Variants in DSCAM observed in about 807,000 individuals in gnomAD.
DSCAM encodes cell adhesion molecule DSCAM.
In DSCAM, 47 loss-of-function variants were observed where a neutral mutation model predicts 217.7. That is an observed-to-expected ratio of 0.22 (90% CI 0.17 to 0.28). The LOEUF is 0.28. Ranked by LOEUF, DSCAM falls within the 10% of genes least tolerant of loss-of-function variation. The probability of loss-of-function intolerance (pLI) is 1.00; values close to 1 mark genes in which losing one functional copy is unlikely to be tolerated. For synonymous variants in DSCAM, 1,056 were observed against 1,015.3 expected, an observed-to-expected ratio of 1.04 and a Z score of -0.76; for missense variants, 2,080 against 2,618.3, an observed-to-expected ratio of 0.79 and a Z score of 4.49.
intron 1 of DSCAM, among the ~76,000 whole-genome samples, chr21:40,714,779 G>T (rs1188769958): frequency 6.6e-6 from 1 of 152,148 alleles, no homozygotes; most frequent in Non-Finnish European, 1.5e-5. Flanking sequence ...TTCAATGAAT[G>T]CATTTTGTAT....
At chr21:40,390,392 GAATA>G (rs1048195040) in intron 3 of DSCAM, among the ~76,000 whole-genome samples, 6 of 152,178 alleles carry the variant, frequency 3.9e-5, no homozygotes, top group African/African-American at 1.4e-4. Flanking sequence ...AATAAGACCT[GAATA>G]ATTCATGGAG....
chr21:40,107,107 T>C (rs1231269810), intron 20 of DSCAM, among the ~76,000 whole-genome samples: 1 of 152,216 alleles, frequency 6.6e-6, no homozygotes, highest in Non-Finnish European at 1.5e-5. Context: ...CGTGGGCATT[T>C]AGTACTATAA....
At chr21:40,710,825 T>G (rs991055335) in intron 1 of DSCAM, among the ~76,000 whole-genome samples, 3 of 152,244 alleles carry the variant, frequency 2.0e-5, no homozygotes, top group African/African-American at 7.2e-5. Flanking sequence ...GTTACATATT[T>G]GTAAGAGAGA....
rs573471327 is a variant in DSCAM at position 40,016,519 on chromosome 21, G to A, written c.5687-3133C>T. Among the ~76,000 whole-genome samples the A allele has an allele frequency of 6.6e-6, 1 of 152,340 alleles. No homozygotes were observed. The highest frequency in any genetic ancestry group is 2.1e-4 in the South Asian group (1 of 4,824). On this transcript the variant is annotated intron_variant, in intron 32 of 32. Transcript: ENST00000400454. This position sits in a 1 kb window ranked among gnomAD's most constrained non-coding sequence, Gnocchi z 4.3. ...GGATGACTCACTGCTCGTTTTCTGA[G>A]TCTAAAGTAACTGAACATTCTTGTT...
At chr21:40,455,771 AAAAC>A (rs1431710669) in intron 3 of DSCAM, among the ~76,000 whole-genome samples, 1 of 152,132 alleles carries the variant, frequency 6.6e-6, no homozygotes, top group African/African-American at 2.4e-5. Flanking sequence ...TCTCTCTCAA[AAAAC>A]AAACAAAACA....
chr21:40,264,608 T>C (rs1024171882), intron 11 of DSCAM, among the ~76,000 whole-genome samples: 1 of 152,132 alleles, frequency 6.6e-6, no homozygotes, highest in Non-Finnish European at 1.5e-5. Context: ...TCATACTGAA[T>C]TGAATGGGGA....
chr21:40,752,483 C>T (rs1382978730), intron 1 of DSCAM, among the ~76,000 whole-genome samples: 1 of 152,134 alleles, frequency 6.6e-6, no homozygotes, highest in African/African-American at 2.4e-5. Flanking sequence ...AGAGGACCAA[C>T]AAGATTTGAG....
chr21:40,648,986 G>T (rs750991490), intron 3 of DSCAM, among the ~76,000 whole-genome samples: 1 of 152,198 alleles, frequency 6.6e-6, no homozygotes, highest in African/African-American at 2.4e-5. Flanking sequence ...TGGCAGGCCC[G>T]GGGCTGAGCA....
At chr21:40,815,363 G>A (rs913505780) in intron 1 of DSCAM, among the ~76,000 whole-genome samples, 2 of 151,938 alleles carry the variant, frequency 1.3e-5, no homozygotes, top group African/African-American at 2.4e-5. Flanking sequence ...CACAGATAAT[G>A]CCTTAAAGGC....
chr21:40,739,249 G>A (rs537159658), intron 1 of DSCAM, among the ~76,000 whole-genome samples: 1 of 152,156 alleles, frequency 6.6e-6, no homozygotes, highest in Non-Finnish European at 1.5e-5. Context: ...AGCAATGCTG[G>A]GGGGAGGTGG....
At position 40,349,761 on chromosome 21, in the gene DSCAM, A is replaced by G. The variant is rs117306506; in HGVS notation, c.935-1816T>C. Among the ~76,000 whole-genome samples, 28 of 152,336 alleles carry G rather than the reference A, an allele frequency of 1.8e-4. No homozygotes were observed. The East Asian group carries it at 5.2e-3, about 28-fold the overall frequency. On this transcript the variant is annotated intron_variant, in intron 5 of 32. Coordinates refer to ENST00000400454, the MANE Select transcript of DSCAM (RefSeq NM_001389.5). ...TTTGGTGAAAGACCTACAGTTACAG[A>G]TTTTTAAAGGTCAGAAAGTGCTGAG...
chr21:40,449,202 G>A (rs188189358), intron 3 of DSCAM, among the ~76,000 whole-genome samples: 2 of 152,214 alleles, frequency 1.3e-5, no homozygotes, highest in African/African-American at 4.8e-5. Flanking sequence ...CTGGATAATA[G>A]AGGATAAACT....
intron 1 of DSCAM, among the ~76,000 whole-genome samples, chr21:40,779,602 T>C (rs1214267197): frequency 1.3e-5 from 2 of 152,084 alleles, no homozygotes; most frequent in Non-Finnish European, 2.9e-5. Flanking sequence ...ACAAATGGTA[T>C]AAAAAGCAAA....
At chr21:40,836,989 C>G (rs1569061387) in intron 1 of DSCAM, among the ~76,000 whole-genome samples, 1 of 152,230 alleles carries the variant, frequency 6.6e-6, no homozygotes, top group Non-Finnish European at 1.5e-5. Flanking sequence ...TCCATATCTC[C>G]TTTCTCTGTT....
rs116290085 is a variant in DSCAM, at chr21:40,635,688, G to A, written c.508+57122C>T. Among the ~76,000 whole-genome samples the A allele has an allele frequency of 1.6e-3, 251 of 152,322 alleles. 1 individual carries two copies. The highest frequency in any genetic ancestry group is 5.5e-3 in the African/African-American group (229 of 41,568). On this transcript the variant is annotated intron_variant, in intron 3 of 32. Coordinates refer to ENST00000400454, the MANE Select transcript of DSCAM (RefSeq NM_001389.5). The stretch of plus-strand genomic sequence containing the variant: ...ACCATGTTTTCTTTTATAAGCAAAT[G>A]GGAGAAATTAACACTGAATTAAAAT...
intron 5 of DSCAM, among the ~76,000 whole-genome samples, chr21:40,351,253 G>A (rs2074627858): frequency 6.6e-6 from 1 of 152,146 alleles, no homozygotes; most frequent in South Asian, 2.1e-4. Flanking sequence ...GACTTGGCAG[G>A]ATGTAGAAAG....
intron 1 of DSCAM, among the ~76,000 whole-genome samples, chr21:40,781,148 A>C (rs1031046325): frequency 3.3e-5 from 5 of 151,980 alleles, no homozygotes; most frequent in Non-Finnish European, 5.9e-5. Context: ...AGCTGGGATT[A>C]CAGGAGCGTG....
intron 11 of DSCAM, among the ~76,000 whole-genome samples, chr21:40,270,189 G>C (rs2073596827): frequency 6.6e-6 from 1 of 152,214 alleles, no homozygotes. Context: ...GTCCCCTCCA[G>C]CACACTTACG....
chr21:40,633,186 G>A (rs997841786), intron 3 of DSCAM, among the ~76,000 whole-genome samples: 6 of 152,110 alleles, frequency 3.9e-5, no homozygotes, highest in Admixed American at 2.0e-4. Context: ...TACTTTCATC[G>A]ATTCCAACCA....
Sources: gnomAD v4.1 joint callset for allele counts (sites outside exome capture counted in the v4.1 genomes callset) on GRCh38, gnomAD v4.1.1 for gene constraint, Gnocchi (gnomAD v3.1) non-coding constraint, MANE v1.5 for transcripts, NCBI Gene and HGNC (gene_info 2026-07-23, HGNC 2026-07-21) for gene names.